Variants in BCAT1 observed in about 807,000 individuals in gnomAD.
The protein encoded by BCAT1 is branched-chain-amino-acid aminotransferase, cytosolic.
A neutral mutation model predicts 52.4 loss-of-function variants in BCAT1; 48 were observed. That is an observed-to-expected ratio of 0.92 (90% CI 0.73 to 1.16). The LOEUF is 1.16. Among genes scored for constraint, BCAT1 ranks in the 50% most tolerant of loss-of-function variants. The pLI is 0.00. For missense variants in BCAT1, 451 were observed against 457.1 expected (o/e 0.99, Z 0.12); for synonymous variants, 167 against 161.3 (o/e 1.04, Z -0.27).
At chr12:24,856,950 G>C (rs773759193) in intron 5 of BCAT1, among the ~76,000 whole-genome samples, 1 of 152,194 alleles carries the variant, frequency 6.6e-6, no homozygotes, top group Non-Finnish European at 1.5e-5. Context: ...CTGCCATCCA[G>C]AGGGTGTGAA....
intron 6 of BCAT1, among the ~76,000 whole-genome samples, chr12:24,849,443 C>T (rs531401290): frequency 5.9e-5 from 9 of 152,326 alleles, no homozygotes; most frequent in African/African-American, 2.2e-4. Context: ...CAGAGACCAG[C>T]GCCCAGGGGA....
At chr12:24,891,022 GT>G (rs947772985) in intron 3 of BCAT1, among the ~76,000 whole-genome samples, 2 of 152,188 alleles carry the variant, frequency 1.3e-5, no homozygotes, top group Non-Finnish European at 2.9e-5. Flanking sequence ...AGTCTCCTAT[GT>G]TGACTATTGT....
At chr12:24,938,269 A>G (rs1943796197) in intron 1 of BCAT1, among the ~76,000 whole-genome samples, 1 of 152,180 alleles carries the variant, frequency 6.6e-6, no homozygotes, top group Non-Finnish European at 1.5e-5. Flanking sequence ...GCCCTGGATG[A>G]GGGACAGAGA....
At chr12:24,948,669 A>C (rs1943973297) in intron 1 of BCAT1, among the ~76,000 whole-genome samples, 2 of 151,598 alleles carry the variant, frequency 1.3e-5, no homozygotes, top group African/African-American at 2.4e-5. Context: ...GCAGACTTTC[A>C]CCTCCGTTCC....
At chr12:24,857,424 C>A (rs1483558087) in intron 5 of BCAT1, among the ~76,000 whole-genome samples, 1 of 152,160 alleles carries the variant, frequency 6.6e-6, no homozygotes, top group African/African-American at 2.4e-5. Flanking sequence ...TGGCTAGAGT[C>A]TGATAATAAG....
intron 1 of BCAT1, among the ~76,000 whole-genome samples, chr12:24,946,319 T>C (rs1434184434): frequency 6.6e-6 from 1 of 152,202 alleles, no homozygotes; most frequent in East Asian, 1.9e-4. Flanking sequence ...AATTGGAATG[T>C]CAGCCTACGG....
intron 2 of BCAT1, among the ~76,000 whole-genome samples, chr12:24,899,770 A>C (rs1943045830): frequency 7.3e-6 from 1 of 137,346 alleles, no homozygotes; most frequent in Non-Finnish European, 1.6e-5. Flanking sequence ...GAAATAAGCC[A>C]AACACAGAAA....
rs1202264862 is a variant in BCAT1, at chr12:24,813,529, G to T, written c.*4479C>A. The T allele has an allele frequency of 1.3e-5, 2 of 151,948 alleles. No individual in the cohort carries two copies. Among genetic ancestry groups the T allele is most frequent in the African/African-American group, 2.4e-5 (1 of 41,388 alleles). The allele number at this position is 151,948 out of a possible 1,614,324, so 9.4% of individuals were successfully genotyped here. A position where few individuals can be genotyped will look rare whatever the true frequency, so the allele number is the denominator to read the frequency against. On this transcript the variant is annotated 3_prime_UTR_variant, in exon 11 of 11. Coordinates refer to ENST00000261192, the MANE Select transcript of BCAT1 (RefSeq NM_005504.7). The stretch of plus-strand genomic sequence containing the variant: ...TGGCTTTGCTGAGAAAATCAGCAAG[G>T]ATGCTGTAATCTGTGGTGTTAATTT...
intron 5 of BCAT1, among the ~76,000 whole-genome samples, chr12:24,860,165 T>G (rs765291572): frequency 6.6e-6 from 1 of 152,202 alleles, no homozygotes; most frequent in Non-Finnish European, 1.5e-5. Context: ...TATAATCAGA[T>G]AGAGGGCTCT....
intron 1 of BCAT1, chr12:24,904,035 TATC>T (rs1943182445): frequency 6.6e-6 from 1 of 152,212 alleles, no homozygotes; most frequent in African/African-American, 2.4e-5. Context: ...GCTCTAATCT[TATC>T]AACTCAGAAA....
chr12:24,927,472 T>C (rs1268706540), intron 1 of BCAT1, among the ~76,000 whole-genome samples: 1 of 152,248 alleles, frequency 6.6e-6, no homozygotes, highest in East Asian at 1.9e-4. Flanking sequence ...CATGGTAGAC[T>C]GAACACATGA....
intron 1 of BCAT1, among the ~76,000 whole-genome samples, chr12:24,908,030 C>G (rs1943255330): frequency 1.3e-5 from 2 of 152,154 alleles, no homozygotes. Flanking sequence ...CTGCAGCTCT[C>G]TAATATTTTA....
At chr12:24,923,705 C>G (rs542814247) in intron 1 of BCAT1, among the ~76,000 whole-genome samples, 1 of 152,176 alleles carries the variant, frequency 6.6e-6, no homozygotes, top group South Asian at 2.1e-4. Flanking sequence ...CCACCATGCC[C>G]GGCCTTCAAG....
At chr12:24,921,912 A>T (rs1371315079) in intron 1 of BCAT1, among the ~76,000 whole-genome samples, 1 of 152,220 alleles carries the variant, frequency 6.6e-6, no homozygotes, top group Non-Finnish European at 1.5e-5. Context: ...CATGAAAAAA[A>T]TAGTAATGAA....
intron 3 of BCAT1, among the ~76,000 whole-genome samples, chr12:24,883,835 C>T (rs1316526000): frequency 1.3e-5 from 2 of 152,130 alleles, no homozygotes; most frequent in African/African-American, 4.8e-5. Context: ...CTGCAATGCA[C>T]AGTTCACAAT....
intron 6 of BCAT1, among the ~76,000 whole-genome samples, chr12:24,849,220 C>T (rs1259727951): frequency 6.6e-6 from 1 of 152,278 alleles, no homozygotes; most frequent in Admixed American, 6.5e-5. Flanking sequence ...CTTTTATTTC[C>T]TGCCAGCTAC....
In BCAT1 at chr12:24,911,551, C is replaced by T. The variant is rs1943327128; in HGVS notation, c.7-9666G>A. Among the ~76,000 whole-genome samples the T allele has an allele frequency of 2.0e-5, 3 of 152,204 alleles. No individual in the cohort carries two copies. The South Asian group carries it at 6.2e-4, about 32-fold the overall frequency. ...TCCCACATGTTAGAGGAAAAATAAA[C>T]ATAAGTTCTTCTGACATTCCAGTGG... On this transcript the variant is annotated intron_variant, in intron 1 of 10. Transcript: ENST00000261192.
chr12:24,943,771 T>C (rs1271772102), intron 1 of BCAT1, among the ~76,000 whole-genome samples: 1 of 151,958 alleles, frequency 6.6e-6, no homozygotes, highest in Non-Finnish European at 1.5e-5. Context: ...GATCACGAGG[T>C]CAGGAGATCA....
chr12:24,867,595 C>A (rs560320782), intron 5 of BCAT1, among the ~76,000 whole-genome samples: 1 of 152,252 alleles, frequency 6.6e-6, no homozygotes, highest in South Asian at 2.1e-4. Flanking sequence ...AGGAGCATGG[C>A]ATGTATTTGA....
Sources: allele counts gnomAD v4.1 joint callset (sites outside exome capture counted in the v4.1 genomes callset), GRCh38; gene constraint gnomAD v4.1.1; transcripts MANE v1.5; gene names NCBI Gene and HGNC (gene_info 2026-07-23, HGNC 2026-07-21).